Variants in PAK5 observed in about 807,000 individuals in gnomAD.
PAK5 encodes p21 (RAC1) activated kinase 5, also known as serine/threonine-protein kinase PAK 5.
A neutral mutation model predicts 65.9 loss-of-function variants in PAK5; 16 were observed. The observed-to-expected ratio is 0.24, with a 90% CI of 0.16 to 0.37. The LOEUF (loss-of-function observed/expected upper bound fraction) is 0.37, where lower values mean the gene tolerates loss of function less well. Among genes scored for constraint, PAK5 ranks in the 10% least tolerant of loss-of-function variants. The pLI, the probability that PAK5 is intolerant of heterozygous loss-of-function variation, is 1.00. For missense variants in PAK5, 785 were observed against 903.9 expected, an observed-to-expected ratio of 0.87 and a Z score of 1.69; for synonymous variants, 371 against 354.9, an observed-to-expected ratio of 1.05 and a Z score of -0.51.
rs1235896518 is a variant in PAK5 at position 9,595,902 on chromosome 20, G to A, written c.205-14972C>T. Among the ~76,000 whole-genome samples, 13 of 151,268 alleles carry A rather than the reference G, an allele frequency of 8.6e-5. No homozygotes were observed. The East Asian group carries it at 2.1e-3, about 25-fold the overall frequency. The stretch of plus-strand genomic sequence containing the variant: ...TTTCAAATGGACTCCCCAGAGGCTT[G>A]AAAAAAATCAAATTTATAGCTTAAC... On this transcript the variant is annotated intron_variant, in intron 3 of 9. Coordinates refer to ENST00000353224, the MANE Select transcript of PAK5 (RefSeq NM_177990.4).
chr20:9,569,922 A>T (rs146328321), intron 4 of PAK5, among the ~76,000 whole-genome samples: 1 of 149,420 alleles, frequency 6.7e-6, no homozygotes, highest in African/African-American at 2.6e-5. Context: ...GAACCAGGGT[A>T]GCTGCTAAGC....
chr20:9,794,586 G>A (rs1453221872), intron 1 of PAK5, among the ~76,000 whole-genome samples: 1 of 152,060 alleles, frequency 6.6e-6, no homozygotes, highest in Non-Finnish European at 1.5e-5. Flanking sequence ...TGTGATGTTG[G>A]ACATGGTGGT....
chr20:9,700,660 A>G (rs2123460869), intron 2 of PAK5, among the ~76,000 whole-genome samples: 1 of 152,304 alleles, frequency 6.6e-6, no homozygotes, highest in African/African-American at 2.4e-5. Context: ...GAAAATCCCA[A>G]GCAATAAAAG....
rs74951227 is a variant in PAK5 at position 9,758,088 on chromosome 20, A to G, written c.-161-46653T>C. On this transcript the variant is annotated intron_variant, in intron 1 of 9. Transcript: ENST00000353224. ...ACTTCATAGCCTTATTTGGATTGCA[A>G]GCTTTTTTATACTTTCCTACAATAG... Among the ~76,000 whole-genome samples, 1,121 of 152,294 alleles carry G rather than the reference A, an allele frequency of 7.4e-3. 3 individuals are homozygous for G. The highest frequency in any genetic ancestry group is 9.8e-3 in the African/African-American group (409 of 41,586).
intron 1 of PAK5, among the ~76,000 whole-genome samples, chr20:9,767,068 C>T (rs147840285): frequency 6.2e-4 from 95 of 152,142 alleles, no homozygotes; most frequent in African/African-American, 1.2e-3. Context: ...TGACAGACTG[C>T]GGGGAGCTGG....
intron 2 of PAK5, among the ~76,000 whole-genome samples, chr20:9,670,222 C>G (rs1298192621): frequency 1.3e-5 from 2 of 152,138 alleles, no homozygotes; most frequent in African/African-American, 4.8e-5. Context: ...AATAGTGCCT[C>G]AATAAACATA....
chr20:9,558,935 A>G (rs2045553160), intron 6 of PAK5, among the ~76,000 whole-genome samples: 1 of 152,192 alleles, frequency 6.6e-6, no homozygotes, highest in Non-Finnish European at 1.5e-5. Flanking sequence ...TTGCGCAGCT[A>G]AGAAATGGCC....
At chr20:9,569,107 T>C (rs1214823051) in intron 4 of PAK5, among the ~76,000 whole-genome samples, 2 of 152,202 alleles carry the variant, frequency 1.3e-5, no homozygotes, top group African/African-American at 4.8e-5. Flanking sequence ...AAATAGTAAA[T>C]GTTTGTTATT....
At chr20:9,653,964 T>C (rs2047233651) in intron 2 of PAK5, among the ~76,000 whole-genome samples, 1 of 148,170 alleles carries the variant, frequency 6.7e-6, no homozygotes, top group African/African-American at 2.5e-5. Context: ...TTCTTCTCTT[T>C]TTTTTTTTTT....
chr20:9,759,703 G>T (rs577501802), intron 1 of PAK5, among the ~76,000 whole-genome samples: 5 of 152,176 alleles, frequency 3.3e-5, no homozygotes, highest in Admixed American at 3.3e-4. Context: ...CCCATGCATG[G>T]GGCTTTTTTG....
intron 2 of PAK5, among the ~76,000 whole-genome samples, chr20:9,669,132 C>A (rs1157871384): frequency 6.6e-6 from 1 of 152,134 alleles, no homozygotes; most frequent in Non-Finnish European, 1.5e-5. Flanking sequence ...ATATGTAACA[C>A]ATCTTTTAAG....
At chr20:9,563,127 G>T (rs979516216) in intron 5 of PAK5, 103 bp from the exon 6 acceptor site, 1 of 996,906 alleles carries the variant, frequency 1.0e-6, no homozygotes, top group South Asian at 1.4e-5. Context: ...GAGAGGTACT[G>T]ATTGTGGGGA....
chr20:9,583,594 C>T, intron 3 of PAK5, among the ~76,000 whole-genome samples: 1 of 152,250 alleles, frequency 6.6e-6, no homozygotes, highest in South Asian at 2.1e-4. Context: ...GCATTCTATC[C>T]CAGGATCCTC....
intron 3 of PAK5, among the ~76,000 whole-genome samples, chr20:9,636,937 C>T (rs1184067809): frequency 6.6e-6 from 1 of 151,962 alleles, no homozygotes; most frequent in Non-Finnish European, 1.5e-5. Flanking sequence ...TATTGAGGAC[C>T]TAAAAGAGAC....
intron 7 of PAK5, among the ~76,000 whole-genome samples, chr20:9,549,748 G>T (rs1180783506): frequency 6.6e-6 from 1 of 152,108 alleles, no homozygotes; most frequent in African/African-American, 2.4e-5. Flanking sequence ...TCCATAGGTA[G>T]TGACTCTATG....
chr20:9,690,634 C>T lies in PAK5; in HGVS notation c.-12+20652G>A, dbSNP rs1384082720. On this transcript the variant is annotated intron_variant, in intron 2 of 9. Coordinates refer to ENST00000353224, the MANE Select transcript of PAK5 (RefSeq NM_177990.4). The stretch of plus-strand genomic sequence containing the variant: ...TACCACTGCCAGCCCCTGCTTCCCA[C>T]CCTGGATCTAGGAAGCTGCAGCATT... Among the ~76,000 whole-genome samples the T allele has an allele frequency of 6.6e-5, 10 of 150,946 alleles. 1 individual carries two copies. Among genetic ancestry groups the T allele is most frequent in the Admixed American group, 6.6e-4 (10 of 15,222 alleles).
intron 7 of PAK5, among the ~76,000 whole-genome samples, chr20:9,551,284 A>G (rs1448006259): frequency 6.6e-6 from 1 of 152,196 alleles, no homozygotes; most frequent in East Asian, 1.9e-4. Flanking sequence ...GAATTGTGCA[A>G]CTGGGCTGCT....
At position 9,759,372 on chromosome 20, in the gene PAK5, A is replaced by G. The variant is rs142974398; in HGVS notation, c.-161-47937T>C. Among the ~76,000 whole-genome samples the G allele has an allele frequency of 6.8e-4, 104 of 152,240 alleles. 1 individual carries two copies. The highest frequency in any genetic ancestry group is 2.3e-3 in the African/African-American group (94 of 41,558). On this transcript the variant is annotated intron_variant, in intron 1 of 9. Coordinates refer to ENST00000353224, the MANE Select transcript of PAK5 (RefSeq NM_177990.4). Reference sequence around the variant, plus strand: ...TCTGTTTGCATTATGGGAAACTTCTATTTGGCAAGGTGAACAGATGATCAC... The same window carrying G: ...TCTGTTTGCATTATGGGAAACTTCTGTTTGGCAAGGTGAACAGATGATCAC...
At chr20:9,703,827 C>T in intron 2 of PAK5, among the ~76,000 whole-genome samples, 1 of 152,114 alleles carries the variant, frequency 6.6e-6, no homozygotes, top group African/African-American at 2.4e-5. Context: ...GGCTATTTCC[C>T]CCTGGAGAGG....
Sources: allele counts gnomAD v4.1 joint callset (sites outside exome capture counted in the v4.1 genomes callset), GRCh38; gene constraint gnomAD v4.1.1; transcripts MANE v1.5; gene names NCBI Gene and HGNC (gene_info 2026-07-23, HGNC 2026-07-21).